The following DPP6 variants were observed in gnomAD, a reference collection of about 807,000 sequenced individuals.
The protein encoded by DPP6 is A-type potassium channel modulatory protein DPP6.
Under a neutral mutation model 122.6 loss-of-function variants are expected in DPP6, and 69 were observed. That is an observed-to-expected ratio of 0.56 (90% CI 0.46 to 0.69). The LOEUF is 0.69. Among genes scored for constraint, DPP6 ranks in the 30% least tolerant of loss-of-function variants. The probability of loss-of-function intolerance (pLI) is 0.00; values close to 1 mark genes in which losing one functional copy is unlikely to be tolerated. For missense variants in DPP6, 928 were observed against 1,116.9 expected (o/e 0.83, Z 2.41); for synonymous variants, 418 against 433.1 (o/e 0.97, Z 0.43).
intron 5 of DPP6, among the ~76,000 whole-genome samples, chr7:154,583,705 AC>A (rs1367569762): frequency 4.6e-5 from 7 of 152,138 alleles, no homozygotes; most frequent in African/African-American, 1.2e-4. Context: ...TCGTGCGCAC[AC>A]TGCTGAGACA....
At chr7:154,713,434 G>A (rs943491516) in intron 7 of DPP6, among the ~76,000 whole-genome samples, 1 of 152,226 alleles carries the variant, frequency 6.6e-6, no homozygotes, top group African/African-American at 2.4e-5. Context: ...AGGTTCTCCA[G>A]GAGGGCCCCA....
chr7:154,849,161 A>G (rs1243994660), intron 16 of DPP6, among the ~76,000 whole-genome samples: 1 of 152,074 alleles, frequency 6.6e-6, no homozygotes, highest in Non-Finnish European at 1.5e-5. Context: ...GTGGTTGCAT[A>G]TGAATTTTAG....
At chr7:154,245,974 T>C (rs1016504280) in intron 1 of DPP6, among the ~76,000 whole-genome samples, 2 of 152,190 alleles carry the variant, frequency 1.3e-5, no homozygotes, top group African/African-American at 4.8e-5. Flanking sequence ...TTGCAGAATA[T>C]ATATTTTTAA....
chr7:154,338,096 C>T lies in DPP6; in HGVS notation c.244-108118C>T, dbSNP rs185362387. Among the ~76,000 whole-genome samples, 8 of 151,694 alleles carry T rather than the reference C, an allele frequency of 5.3e-5. No individual in the cohort carries two copies. The East Asian group carries it at 1.4e-3, about 26-fold the overall frequency. On this transcript the variant is annotated intron_variant, in intron 1 of 25. Coordinates refer to ENST00000377770, the MANE Select transcript of DPP6 (RefSeq NM_130797.4). Reference sequence around the variant, plus strand: ...AGTCTGGATTCACATTTTTTTTTTCCAGAAGGTGAGATTCTTCTTCACCAA... The same window carrying T: ...AGTCTGGATTCACATTTTTTTTTTCTAGAAGGTGAGATTCTTCTTCACCAA...
chr7:154,515,678 C>T (rs367561612), intron 3 of DPP6, among the ~76,000 whole-genome samples: 30 of 152,190 alleles, frequency 2.0e-4, no homozygotes, highest in African/African-American at 7.2e-4. Context: ...GGTGTTTCAC[C>T]GTGTTAGCCA....
chr7:153,925,878 G>A (rs1800873948), intron 1 of DPP6, among the ~76,000 whole-genome samples: 1 of 152,206 alleles, frequency 6.6e-6, no homozygotes, highest in Admixed American at 6.5e-5. Flanking sequence ...GCTCCACAAT[G>A]TGAGTGTCTG....
intron 1 of DPP6, among the ~76,000 whole-genome samples, chr7:154,261,240 G>A (rs1563381950): frequency 6.6e-6 from 1 of 152,104 alleles, no homozygotes; most frequent in Admixed American, 6.6e-5. Context: ...TTCCATAGTG[G>A]TTGCACTAGT....
At chr7:154,571,214 A>G (rs1350167933) in intron 5 of DPP6, among the ~76,000 whole-genome samples, 1 of 152,214 alleles carries the variant, frequency 6.6e-6, no homozygotes, top group Admixed American at 6.5e-5. Context: ...CTTAAAACAA[A>G]TGTATCTAAT....
At chr7:154,553,907 A>G (rs894594976) in intron 4 of DPP6, among the ~76,000 whole-genome samples, 1 of 138,396 alleles carries the variant, frequency 7.2e-6, no homozygotes, top group African/African-American at 3.3e-5. Flanking sequence ...AATGCCAAAA[A>G]AAAAAAAAAA....
chr7:153,975,567 C>T (rs1260522118), intron 1 of DPP6, among the ~76,000 whole-genome samples: 1 of 151,062 alleles, frequency 6.6e-6, no homozygotes. Flanking sequence ...AAAGAAAATA[C>T]TGCAATGAGA....
At chr7:154,156,018 G>T (rs1216840784) in intron 1 of DPP6, among the ~76,000 whole-genome samples, 1 of 152,234 alleles carries the variant, frequency 6.6e-6, no homozygotes, top group Non-Finnish European at 1.5e-5. Context: ...CCTGTGTGTG[G>T]CCTGGCTCAC....
At chr7:154,368,932 T>G (rs1278860227) in intron 1 of DPP6, among the ~76,000 whole-genome samples, 1 of 152,144 alleles carries the variant, frequency 6.6e-6, no homozygotes, top group Non-Finnish European at 1.5e-5. Flanking sequence ...CGCAGGTGGT[T>G]CTCTTCTGAT....
chr7:153,858,269 C>G, the DPP6 span, among the ~76,000 whole-genome samples: 7 of 152,170 alleles, frequency 4.6e-5, no homozygotes, highest in Non-Finnish European at 1.0e-4. Flanking sequence ...AGGCATGACA[C>G]AGATGACTGT....
chr7:153,893,283 C>G (rs1799283176), intron 1 of DPP6, among the ~76,000 whole-genome samples: 1 of 152,170 alleles, frequency 6.6e-6, no homozygotes, highest in African/African-American at 2.4e-5. Flanking sequence ...GTAACCTGTC[C>G]TGGTCAGTAA....
At chr7:153,888,036 C>T (rs1377510841) in intron 1 of DPP6, among the ~76,000 whole-genome samples, 2 of 152,190 alleles carry the variant, frequency 1.3e-5, no homozygotes, top group Non-Finnish European at 2.9e-5. Flanking sequence ...CCTCGCTGAC[C>T]GCGGGTCGGT....
chr7:154,468,081 G>A (rs6947300), intron 2 of DPP6, among the ~76,000 whole-genome samples: 1 of 152,092 alleles, frequency 6.6e-6, no homozygotes, highest in Non-Finnish European at 1.5e-5. Flanking sequence ...TGCATGAAAA[G>A]ATGCTCAACA....
chr7:154,251,815 C>G (rs1452854789), intron 1 of DPP6, among the ~76,000 whole-genome samples: 1 of 152,028 alleles, frequency 6.6e-6, no homozygotes, highest in African/African-American at 2.4e-5. Context: ...GCCATGCTGG[C>G]AGTTGATTAC....
At chr7:153,958,193 C>G (rs1177397070) in intron 1 of DPP6, among the ~76,000 whole-genome samples, 1 of 152,054 alleles carries the variant, frequency 6.6e-6, no homozygotes, top group African/African-American at 2.4e-5. Context: ...AGCAGATAGA[C>G]CACAAAATAG....
At chr7:154,303,936 G>A (rs1806082970) in intron 1 of DPP6, among the ~76,000 whole-genome samples, 1 of 152,156 alleles carries the variant, frequency 6.6e-6, no homozygotes, top group Non-Finnish European at 1.5e-5. Flanking sequence ...AAGCAGTGCT[G>A]GGCATTGGAA....
Sources: allele counts gnomAD v4.1 joint callset (sites outside exome capture counted in the v4.1 genomes callset), GRCh38; gene constraint gnomAD v4.1.1; transcripts MANE v1.5; gene names NCBI Gene and HGNC (gene_info 2026-07-23, HGNC 2026-07-21).